Variants in NFIB observed in about 807,000 individuals in gnomAD.
NFIB encodes nuclear factor I B.
A neutral mutation model predicts 61.5 loss-of-function variants in NFIB; 11 were observed. The observed-to-expected ratio is 0.18, with a 90% CI of 0.11 to 0.30. The LOEUF (loss-of-function observed/expected upper bound fraction) is 0.30, where lower values mean the gene tolerates loss of function less well. Among genes scored for constraint, NFIB ranks in the 10% least tolerant of loss-of-function variants. NFIB has a pLI of 1.00. For missense variants in NFIB, 471 were observed against 608.9 expected, an observed-to-expected ratio of 0.77 and a Z score of 2.38; for synonymous variants, 260 against 216.5, an observed-to-expected ratio of 1.20 and a Z score of -1.76.
chr9:14,295,524 G>T (rs373308616), intron 2 of NFIB, among the ~76,000 whole-genome samples: 2 of 151,948 alleles, frequency 1.3e-5, no homozygotes, highest in Admixed American at 6.6e-5. Flanking sequence ...CCAGCTACTC[G>T]GCAAGCTGAG....
intron 1 of NFIB, among the ~76,000 whole-genome samples, chr9:14,345,117 C>T (rs1346180206): frequency 1.3e-5 from 2 of 152,136 alleles, no homozygotes; most frequent in African/African-American, 2.4e-5. Context: ...AACACACTTT[C>T]GCGGCGGAAG....
At chr9:14,451,245 T>A in the NFIB span, among the ~76,000 whole-genome samples, 1 of 152,250 alleles carries the variant, frequency 6.6e-6, no homozygotes, top group Non-Finnish European at 1.5e-5. Context: ...ATGTTTTAAA[T>A]CTTCAGCTGC....
intron 1 of NFIB, among the ~76,000 whole-genome samples, chr9:14,348,735 T>C (rs1395115471): frequency 6.6e-6 from 1 of 152,210 alleles, no homozygotes; most frequent in South Asian, 2.1e-4. Context: ...GTCAGCTGCA[T>C]GTGGCAGTGC....
At chr9:14,321,977 A>G (rs2060671853) in intron 1 of NFIB, 4 of 1,230,040 alleles carry the variant, frequency 3.3e-6, no homozygotes, top group Admixed American at 4.2e-5. Context: ...AGAGATCTTG[A>G]GTCTGTAACA....
upstream of NFIB, among the ~76,000 whole-genome samples, chr9:14,318,684 T>C (rs1183994781): frequency 1.3e-5 from 2 of 152,064 alleles, no homozygotes; most frequent in African/African-American, 2.4e-5. Context: ...TACTGCACCA[T>C]GCCCTGGGAT....
intron 1 of NFIB, among the ~76,000 whole-genome samples, chr9:14,311,263 T>G (rs1045886259): frequency 6.6e-6 from 1 of 152,268 alleles, no homozygotes; most frequent in African/African-American, 2.4e-5. Flanking sequence ...TTTAAAAGTT[T>G]ATAACCAATT....
At chr9:14,456,289 TTA>T in the NFIB span, among the ~76,000 whole-genome samples, 7 of 152,100 alleles carry the variant, frequency 4.6e-5, no homozygotes, top group Non-Finnish European at 1.0e-4. Flanking sequence ...GGAAAGACTT[TTA>T]AAGCTATGAC....
chr9:14,177,935 A>G (rs967133497), intron 3 of NFIB, among the ~76,000 whole-genome samples: 2 of 152,188 alleles, frequency 1.3e-5, no homozygotes, highest in African/African-American at 4.8e-5. Context: ...TTCAAGGATT[A>G]TTTATTCAGC....
chr9:14,516,827 GATTA>G, the NFIB span, among the ~76,000 whole-genome samples: 1 of 152,096 alleles, frequency 6.6e-6, no homozygotes, highest in African/African-American at 2.4e-5. Flanking sequence ...TAATATTCGT[GATTA>G]GTTAGTATTA....
At chr9:14,521,569 G>A in the NFIB span, among the ~76,000 whole-genome samples, 1 of 152,178 alleles carries the variant, frequency 6.6e-6, no homozygotes, top group Admixed American at 6.5e-5. Flanking sequence ...TATATGCAAA[G>A]TACCTAGCAG....
At chr9:14,521,071 C>G in the NFIB span, among the ~76,000 whole-genome samples, 1 of 152,156 alleles carries the variant, frequency 6.6e-6, no homozygotes, top group Non-Finnish European at 1.5e-5. Context: ...CAATGACACC[C>G]TATTCACAAA....
the NFIB span, among the ~76,000 whole-genome samples, chr9:14,463,595 T>A: frequency 1.3e-5 from 2 of 151,970 alleles, no homozygotes; most frequent in Non-Finnish European, 2.9e-5. Flanking sequence ...TTTATTAAAA[T>A]CTGCATTTTC....
chr9:14,415,869 T>C, the NFIB span, among the ~76,000 whole-genome samples: 2 of 152,172 alleles, frequency 1.3e-5, no homozygotes, highest in Non-Finnish European at 2.9e-5. Flanking sequence ...ACCTAATGGT[T>C]TGAAGCCTTA....
chr9:14,127,951 C>T (rs1554642108), intron 6 of NFIB, among the ~76,000 whole-genome samples: 1 of 144,624 alleles, frequency 6.9e-6, no homozygotes, highest in East Asian at 2.0e-4. Flanking sequence ...AAAAAAAAAC[C>T]AGAAATAAAT....
At chr9:14,310,464 C>T (rs776480017) in intron 1 of NFIB, among the ~76,000 whole-genome samples, 14 of 152,248 alleles carry the variant, frequency 9.2e-5, no homozygotes, top group Non-Finnish European at 1.9e-4. Flanking sequence ...CCAAGTGTGA[C>T]TGTTTCCTAA....
the NFIB span, among the ~76,000 whole-genome samples, chr9:14,531,729 T>TA: frequency 6.6e-6 from 1 of 151,660 alleles, no homozygotes; most frequent in African/African-American, 2.4e-5. Flanking sequence ...GCTGCCTTTT[T>TA]AAAAAGAAGG....
the NFIB span, among the ~76,000 whole-genome samples, chr9:14,442,889 T>C: frequency 6.6e-6 from 1 of 151,980 alleles, no homozygotes; most frequent in East Asian, 1.9e-4. Flanking sequence ...AGAACATGTT[T>C]TTCTATCAGG....
At chr9:14,240,620 A>G (rs2054253593) in intron 2 of NFIB, among the ~76,000 whole-genome samples, 1 of 152,218 alleles carries the variant, frequency 6.6e-6, no homozygotes. Context: ...TGTATGCAAA[A>G]GTAAAGTTAA....
chr9:14,358,614 T>G (rs1476112709), intron 1 of NFIB, among the ~76,000 whole-genome samples: 1 of 152,202 alleles, frequency 6.6e-6, no homozygotes, highest in Non-Finnish European at 1.5e-5. Flanking sequence ...TGTTACTTTC[T>G]CCTTCTTTAG....
Sources: allele counts gnomAD v4.1 joint callset (sites outside exome capture counted in the v4.1 genomes callset), GRCh38; gene constraint gnomAD v4.1.1; transcripts MANE v1.5; gene names NCBI Gene and HGNC (gene_info 2026-07-23, HGNC 2026-07-21).